The following FAM13A variants were observed in gnomAD, a reference collection of about 807,000 sequenced individuals.
FAM13A encodes the protein protein FAM13A.
Under a neutral mutation model 129.6 loss-of-function variants are expected in FAM13A, and 76 were observed. That is an observed-to-expected ratio of 0.59 (90% confidence interval 0.49 to 0.71). The LOEUF (loss-of-function observed/expected upper bound fraction) is 0.71. Ranked by LOEUF, FAM13A falls within the 30% of genes least tolerant of loss-of-function variation. FAM13A has a pLI of 0.00. For missense variants in FAM13A, 1,108 were observed against 1,249.3 expected, an observed-to-expected ratio of 0.89 and a Z score of 1.70; for synonymous variants, 443 against 449.9, an observed-to-expected ratio of 0.98 and a Z score of 0.20.
chr4:89,032,645 G>T (rs1768859953), intron 1 of FAM13A, among the ~76,000 whole-genome samples: 1 of 152,038 alleles, frequency 6.6e-6, no homozygotes. Context: ...ATTTTTGTTG[G>T]AAAATAGGAT....
chr4:88,789,636 T>C (rs1008176155), intron 9 of FAM13A, among the ~76,000 whole-genome samples: 5 of 152,186 alleles, frequency 3.3e-5, no homozygotes, highest in African/African-American at 1.2e-4. Flanking sequence ...GCAATGAACA[T>C]GACAGACAAG....
intron 6 of FAM13A, among the ~76,000 whole-genome samples, chr4:88,888,651 C>A (rs1036315856): frequency 5.3e-5 from 8 of 151,994 alleles, no homozygotes; most frequent in African/African-American, 1.9e-4. Flanking sequence ...TGAGGCCAGG[C>A]ACGGTGGCTC....
intron 23 of FAM13A, 162 bp from the exon 24 acceptor site, chr4:88,728,821 G>A: frequency 1.5e-6 from 1 of 679,032 alleles, no homozygotes; most frequent in East Asian, 2.9e-5. Context: ...GCTGGATTTA[G>A]ACAAGTAATG....
intron 6 of FAM13A, among the ~76,000 whole-genome samples, chr4:88,866,649 T>C (rs533990965): frequency 6.6e-6 from 1 of 152,274 alleles, no homozygotes; most frequent in South Asian, 2.1e-4. Context: ...ATCAGGAACA[T>C]TTTATATTCC....
chr4:88,776,001 C>T (rs546158141), intron 11 of FAM13A, among the ~76,000 whole-genome samples: 8 of 152,316 alleles, frequency 5.3e-5, no homozygotes, highest in South Asian at 2.1e-4. Flanking sequence ...AAGACCTATT[C>T]TCCTTTCTTG....
At chr4:88,738,569 G>T (rs114775436) in intron 20 of FAM13A, among the ~76,000 whole-genome samples, 1,628 of 152,204 alleles carry the variant, frequency 0.011, 39 homozygotes, top group African/African-American at 0.037. Flanking sequence ...CTCCAAGAAG[G>T]GCCTCTCTCT....
chr4:88,945,990 G>GTGTGTGTATATATA, intron 4 of FAM13A, among the ~76,000 whole-genome samples: 51 of 61,914 alleles, frequency 8.2e-4, no homozygotes, highest in African/African-American at 1.9e-3. Context: ...GTGTGTGTGT[G>GTGTGTGTATATATA]TATATATATA....
intron 11 of FAM13A, among the ~76,000 whole-genome samples, chr4:88,780,433 T>A (rs1476631411): frequency 6.6e-6 from 1 of 152,182 alleles, no homozygotes; most frequent in Non-Finnish European, 1.5e-5. Flanking sequence ...TTATAAAATT[T>A]ATCTTCAGGT....
chr4:88,746,536 T>C (rs902319793), intron 19 of FAM13A, among the ~76,000 whole-genome samples: 1 of 152,220 alleles, frequency 6.6e-6, no homozygotes, highest in Non-Finnish European at 1.5e-5. Flanking sequence ...TTTCATTTTA[T>C]GGATGAGGAA....
chr4:88,800,970 T>C (rs1727343081), intron 8 of FAM13A, among the ~76,000 whole-genome samples: 1 of 151,994 alleles, frequency 6.6e-6, no homozygotes, highest in African/African-American at 2.4e-5. Context: ...CTTAAAATAA[T>C]CATTTAGAAA....
chr4:88,997,569 T>A (rs1437638733), intron 3 of FAM13A, among the ~76,000 whole-genome samples: 3 of 37,402 alleles, frequency 8.0e-5, no homozygotes, highest in Admixed American at 2.8e-4. Flanking sequence ...AAAAAAAAAA[T>A]TATAATTATA....
intron 7 of FAM13A, among the ~76,000 whole-genome samples, chr4:88,834,021 C>G (rs375646425): frequency 1.9e-4 from 29 of 150,326 alleles, no homozygotes; most frequent in African/African-American, 6.4e-4. Context: ...TCCCAAGTAG[C>G]TGGCTCTACA....
chr4:88,837,718 C>CAAAA (rs34184242), intron 7 of FAM13A, among the ~76,000 whole-genome samples: 4 of 71,526 alleles, frequency 5.6e-5, no homozygotes, highest in African/African-American at 1.0e-4. Flanking sequence ...AACTCCGTCT[C>CAAAA]AAAAAAAAAA....
intron 22 of FAM13A, 33 bp downstream of exon 22, chr4:88,731,969 A>C (rs749178003): frequency 2.6e-6 from 4 of 1,554,820 alleles, no homozygotes; most frequent in Non-Finnish European, 3.5e-6. Flanking sequence ...ATTTTTACCA[A>C]AACATTTCAC....
intron 4 of FAM13A, chr4:88,990,291 T>G (rs1156452586): frequency 6.6e-6 from 1 of 152,128 alleles, no homozygotes; most frequent in Non-Finnish European, 1.5e-5. Flanking sequence ...AAAAAAAAGT[T>G]GCTGAGTTTC....
chr4:88,821,091 T>C (rs1047804848), intron 7 of FAM13A, among the ~76,000 whole-genome samples: 3 of 152,122 alleles, frequency 2.0e-5, no homozygotes, highest in African/African-American at 7.2e-5. Context: ...TAGCCAAAGA[T>C]ACCAAACTGG....
chr4:88,758,544 T>C (rs1744166018), intron 14 of FAM13A, among the ~76,000 whole-genome samples: 1 of 151,906 alleles, frequency 6.6e-6, no homozygotes, highest in African/African-American at 2.4e-5. Context: ...GGCAAGCATG[T>C]TTTCTTTCTT....
chr4:88,889,550 A>T (rs1745009935), intron 6 of FAM13A, among the ~76,000 whole-genome samples: 1 of 152,194 alleles, frequency 6.6e-6, no homozygotes, highest in South Asian at 2.1e-4. Flanking sequence ...CTATGTATTC[A>T]TCAACTCCTA....
At chr4:88,787,713 G>T (rs1459687148) in intron 10 of FAM13A, 40 bp downstream of exon 10, 2 of 1,592,118 alleles carry the variant, frequency 1.3e-6, no homozygotes, top group Non-Finnish European at 1.7e-6. Context: ...CTTTTAAAAA[G>T]AGAAAACTCA....
Sources: allele counts gnomAD v4.1 joint callset (sites outside exome capture counted in the v4.1 genomes callset), GRCh38; gene constraint gnomAD v4.1.1; transcripts MANE v1.5; gene names NCBI Gene and HGNC (gene_info 2026-07-23, HGNC 2026-07-21).